The following CDH13 variants were observed in gnomAD, a reference collection of about 807,000 sequenced individuals.
CDH13 encodes the protein cadherin-13.
In CDH13, 24 loss-of-function variants were observed where a neutral mutation model predicts 63.8. That is an observed-to-expected ratio of 0.38 (90% CI 0.27 to 0.53). The LOEUF is 0.53. Ranked by LOEUF, CDH13 falls within the 20% of genes least tolerant of loss-of-function variation. The pLI is 0.85. For synonymous variants in CDH13, 503 were observed against 355.3 expected (o/e 1.42, Z -4.67); for missense variants, 1,049 against 903.1 (o/e 1.16, Z -2.07).
intron 2 of CDH13, among the ~76,000 whole-genome samples, chr16:83,013,852 G>A (rs574441492): frequency 1.4e-4 from 21 of 152,110 alleles, no homozygotes; most frequent in Non-Finnish European, 2.9e-4. Flanking sequence ...CACAACATAG[G>A]GAGGAATCCA....
chr16:83,249,177 A>G (rs562517598), intron 5 of CDH13, among the ~76,000 whole-genome samples: 1 of 152,310 alleles, frequency 6.6e-6, no homozygotes, highest in East Asian at 1.9e-4. Flanking sequence ...TATATGTCAC[A>G]CAGAGCCTGT....
chr16:82,890,987 C>G (rs912538713), intron 2 of CDH13, among the ~76,000 whole-genome samples: 1 of 150,644 alleles, frequency 6.6e-6, no homozygotes. Context: ...AGGGTAGGCA[C>G]TTGAAGCCCA....
At chr16:82,627,647 C>G (rs1236383834) in intron 1 of CDH13, among the ~76,000 whole-genome samples, 2 of 152,098 alleles carry the variant, frequency 1.3e-5, no homozygotes, top group African/African-American at 4.8e-5. Context: ...GGCGCCCGGG[C>G]CCCCTGGTAC....
chr16:83,384,169 A>C (rs961584415), intron 6 of CDH13, among the ~76,000 whole-genome samples: 1 of 151,996 alleles, frequency 6.6e-6, no homozygotes, highest in Non-Finnish European at 1.5e-5. Context: ...TAGCCCTCCT[A>C]CCTTTCGTGT....
chr16:82,715,008 C>T (rs1225319664), intron 1 of CDH13, among the ~76,000 whole-genome samples: 4 of 139,938 alleles, frequency 2.9e-5, no homozygotes, highest in African/African-American at 1.0e-4. Flanking sequence ...CCGTAGGAAA[C>T]TAATACAAAG....
chr16:82,955,479 C>CCTGGGTTAGTGCAATCA (rs1366555174), intron 2 of CDH13, among the ~76,000 whole-genome samples: 1 of 152,134 alleles, frequency 6.6e-6, no homozygotes, highest in African/African-American at 2.4e-5. Flanking sequence ...CCTGGTTAAC[C>CCTGGGTTAGTGCAATCA]CTACTGGGTG....
intron 2 of CDH13, among the ~76,000 whole-genome samples, chr16:82,948,751 C>A (rs1156512154): frequency 6.6e-6 from 1 of 152,108 alleles, no homozygotes. Flanking sequence ...AAAAGCAGAA[C>A]CTTTATTACA....
chr16:83,012,572 A>G (rs1914273908), intron 2 of CDH13, among the ~76,000 whole-genome samples: 4 of 152,246 alleles, frequency 2.6e-5, no homozygotes, highest in African/African-American at 9.6e-5. Flanking sequence ...AAAAAACTAT[A>G]TATATATGAC....
At chr16:82,717,540 A>T (rs1239815954) in intron 1 of CDH13, among the ~76,000 whole-genome samples, 2 of 151,552 alleles carry the variant, frequency 1.3e-5, no homozygotes, top group Non-Finnish European at 2.9e-5. Context: ...TGTTGGCTAG[A>T]GGAGATTCCA....
chr16:82,767,912 C>G (rs977445711), intron 1 of CDH13, among the ~76,000 whole-genome samples: 2 of 152,152 alleles, frequency 1.3e-5, no homozygotes, highest in Non-Finnish European at 2.9e-5. Context: ...CTCTTCACCC[C>G]ACGAGCCAAA....
intron 2 of CDH13, among the ~76,000 whole-genome samples, chr16:82,923,880 C>T (rs912066565): frequency 6.6e-6 from 1 of 152,098 alleles, no homozygotes; most frequent in Non-Finnish European, 1.5e-5. Context: ...AATTGGGATC[C>T]TGGTTCTGCA....
intron 10 of CDH13, among the ~76,000 whole-genome samples, chr16:83,686,150 C>T (rs555002388): frequency 2.0e-5 from 3 of 152,326 alleles, no homozygotes; most frequent in South Asian, 2.1e-4. Flanking sequence ...TGAATCAGAA[C>T]GCCGGAGCTT....
At chr16:83,484,051 G>T (rs915792394) in intron 6 of CDH13, among the ~76,000 whole-genome samples, 1 of 152,200 alleles carries the variant, frequency 6.6e-6, no homozygotes, top group African/African-American at 2.4e-5. Context: ...CTTGAAGCAT[G>T]TGGCCGGATG....
At chr16:82,762,017 C>T (rs990654089) in intron 1 of CDH13, among the ~76,000 whole-genome samples, 3 of 152,162 alleles carry the variant, frequency 2.0e-5, no homozygotes, top group Non-Finnish European at 4.4e-5. Context: ...CACTTGAAAG[C>T]CTTGCTGAAT....
chr16:83,425,550 C>T (rs1479174669), intron 6 of CDH13, among the ~76,000 whole-genome samples: 2 of 152,222 alleles, frequency 1.3e-5, no homozygotes, highest in African/African-American at 4.8e-5. Flanking sequence ...CTCATTAACT[C>T]CCTCAAAAAT....
At chr16:82,842,518 C>T (rs1254814718) in intron 1 of CDH13, among the ~76,000 whole-genome samples, 1 of 151,944 alleles carries the variant, frequency 6.6e-6, no homozygotes, top group Non-Finnish European at 1.5e-5. Flanking sequence ...CTCCAGTGAC[C>T]TTACTCACCC....
At chr16:83,211,187 C>A (rs1188041720) in intron 4 of CDH13, among the ~76,000 whole-genome samples, 1 of 150,818 alleles carries the variant, frequency 6.6e-6, no homozygotes, top group African/African-American at 2.4e-5. Flanking sequence ...CTGATGAAAT[C>A]TGAATACATA....
intron 5 of CDH13, among the ~76,000 whole-genome samples, chr16:83,318,557 T>G (rs2090154099): frequency 6.6e-6 from 1 of 152,220 alleles, no homozygotes; most frequent in African/African-American, 2.4e-5. Context: ...TTCATTCTGT[T>G]ACTCAAAATT....
At chr16:83,416,716 G>A (rs1268881210) in intron 6 of CDH13, among the ~76,000 whole-genome samples, 1 of 152,156 alleles carries the variant, frequency 6.6e-6, no homozygotes, top group Non-Finnish European at 1.5e-5. Flanking sequence ...TGAAAAGAGT[G>A]CAGAGCAGAA....
Sources: allele counts gnomAD v4.1 joint callset (sites outside exome capture counted in the v4.1 genomes callset), GRCh38; gene constraint gnomAD v4.1.1; transcripts MANE v1.5; gene names NCBI Gene and HGNC (gene_info 2026-07-23, HGNC 2026-07-21).